Variants in GPR37L1 observed in about 807,000 individuals in gnomAD.
GPR37L1 encodes the protein G protein-coupled receptor 37 like 1.
Under a neutral mutation model 18.0 loss-of-function variants are expected in GPR37L1, and 18 were observed. That is an observed-to-expected ratio of 1.00 (90% CI 0.69 to 1.49). The LOEUF is 1.49. Among genes scored for constraint, GPR37L1 ranks in the 40% most tolerant of loss-of-function variants. The probability of loss-of-function intolerance (pLI) is 0.00; values close to 1 mark genes in which losing one functional copy is unlikely to be tolerated. For synonymous variants in GPR37L1, 256 were observed against 273.9 expected, an observed-to-expected ratio of 0.93 and a Z score of 0.65; for missense variants, 558 against 615.1, an observed-to-expected ratio of 0.91 and a Z score of 0.98.
rs762543451 is a variant in GPR37L1, at chr1:202,127,848, A to G, written c.738A>G (p.Gln246=). The change falls in exon 2 of 2, where the codon CAA becomes CAG. Residue 246 remains glutamine (Q), a synonymous_variant. Coordinates refer to ENST00000367282, the MANE Select transcript of GPR37L1 (RefSeq NM_004767.5). The part of the protein sequence containing the change: ...LPKVRPIERC[Q]SILAKLAVIW... ...AGGTGAGGCCCATCGAGCGGTGCCA[A>G]TCCATCCTGGCCAAGTTGGCTGTCA... 29 of 1,613,874 alleles carry G rather than the reference A, an allele frequency of 1.8e-5. No homozygotes were observed. Among genetic ancestry groups the G allele is most frequent in the Non-Finnish European group, 2.3e-5 (27 of 1,179,976 alleles).
At chr1:202,127,267 ATTCCTTCCTTCTTTCCTTCCTTCCTTCC>A (rs1654688760) in intron 1 of GPR37L1, among the ~76,000 whole-genome samples, 2 of 148,536 alleles carry the variant, frequency 1.3e-5, no homozygotes, top group Admixed American at 6.8e-5. Flanking sequence ...CATTATTATA[ATTCCTTCCTTCTTTCCTTCCTTCCTTCC>A]TTCCTTCCTT....
Position 202,123,035 on chromosome 1 carries a change from G to A in GPR37L1, c.72G>A (p.Gly24=). The change falls in exon 1 of 2, where the codon GGG becomes GGA. Residue 24 remains glycine, a synonymous_variant. Coordinates refer to ENST00000367282, the MANE Select transcript of GPR37L1 (RefSeq NM_004767.5). ...CTGTGGGGCTAAGCAGGGTCTCTGG[G>A]GGTGCCCCCCTGCACCTGGGCAGGC... ...ILAVGLSRVS[G]GAPLHLGRHR... The A allele has an allele frequency of 6.2e-7, 1 of 1,613,574 alleles. No individual in the cohort carries two copies. Among genetic ancestry groups the A allele is most frequent in the Non-Finnish European group, 8.5e-7 (1 of 1,180,002 alleles).
chr1:202,126,704 G>C (rs563972730), intron 1 of GPR37L1, among the ~76,000 whole-genome samples: 96 of 152,228 alleles, frequency 6.3e-4, no homozygotes, highest in Admixed American at 1.9e-3. Context: ...CTTCCTCTTG[G>C]CTCACAGGGT....
chr1:202,125,153 C>CAAAAAA (rs10593843), intron 1 of GPR37L1, among the ~76,000 whole-genome samples: 1 of 77,882 alleles, frequency 1.3e-5, no homozygotes, highest in African/African-American at 4.8e-5. Context: ...AATTCTGTCT[C>CAAAAAA]AAAAAAAAAA....
At chr1:202,124,492 G>A (rs1038499840) in intron 1 of GPR37L1, among the ~76,000 whole-genome samples, 5 of 152,232 alleles carry the variant, frequency 3.3e-5, no homozygotes, top group African/African-American at 1.2e-4. Flanking sequence ...TTAAAACACT[G>A]CAGAAACATA....
chr1:202,128,878 C>G lies in GPR37L1; in HGVS notation c.*322C>G. The G allele has an allele frequency of 3.7e-6, 1 of 267,578 alleles. No homozygotes were observed. The highest frequency in any genetic ancestry group is 7.1e-6 in the Non-Finnish European group (1 of 141,684). The allele number at this position is 267,578 out of a possible 1,614,324, so 16.6% of individuals were successfully genotyped here. ...TGGTTCCAGTCTCTCTTCTCTCTCT[C>G]TGCCTTGGAACCTGACCATACTTTA... On this transcript the variant is annotated 3_prime_UTR_variant, in exon 2 of 2. Transcript: ENST00000367282.
rs141962107 is a variant in GPR37L1 at position 202,128,350 on chromosome 1, G to T, written c.1240G>T (p.Val414Leu). The change falls in exon 2 of 2, where the codon GTG becomes TTG. Residue 414 changes from valine to leucine, a missense_variant. Transcript: ENST00000367282. ...CTTCTTCAAGGGCGCCATCACCCCAGTGCTGCTCCTTTGCATCTGCAGGCC... is the reference window on the plus strand; with the variant it reads ...CTTCTTCAAGGGCGCCATCACCCCATTGCTGCTCCTTTGCATCTGCAGGCC... ...STFFKGAITP[V>L]LLLCICRPLG... 299 of 1,614,108 alleles carry T rather than the reference G, an allele frequency of 1.9e-4. No homozygotes were observed. Among genetic ancestry groups the T allele is most frequent in the Non-Finnish European group, 2.4e-4 (284 of 1,180,046 alleles).
chr1:202,124,390 A>G (rs1470918061), intron 1 of GPR37L1, among the ~76,000 whole-genome samples: 2 of 152,224 alleles, frequency 1.3e-5, no homozygotes, highest in African/African-American at 2.4e-5. Context: ...CCTGTTTCAC[A>G]GTTCTAAAGT....
chr1:202,132,807 C>T lies in GPR37L1; in HGVS notation c.*4251C>T, dbSNP rs913417160. ...TGAGGTCGGGTGGGGGACTAGAATC[C>T]AGCAGAGGAGCGAGGGCAGGGCTCC... On this transcript the variant is annotated 3_prime_UTR_variant, in exon 2 of 2. Coordinates refer to ENST00000367282, the MANE Select transcript of GPR37L1 (RefSeq NM_004767.5). 2 of 152,646 alleles carry T rather than the reference C, an allele frequency of 1.3e-5. No individual in the cohort carries two copies. Among genetic ancestry groups the T allele is most frequent in the African/African-American group, 4.8e-5 (2 of 41,400 alleles). 9.5% of individuals were successfully genotyped at this position (152,646 alleles called of 1,614,324 possible). A position where few individuals can be genotyped will look rare whatever the true frequency, so the allele number is the denominator to read the frequency against.
intron 1 of GPR37L1, among the ~76,000 whole-genome samples, chr1:202,125,077 A>G (rs1187390962): frequency 1.3e-5 from 2 of 149,606 alleles, no homozygotes; most frequent in African/African-American, 2.5e-5. Context: ...AGGCAGGAGA[A>G]TCGCTTGAAC....
intron 1 of GPR37L1, among the ~76,000 whole-genome samples, chr1:202,126,134 G>A (rs2147805043): frequency 6.6e-6 from 1 of 152,316 alleles, no homozygotes; most frequent in East Asian, 1.9e-4. Context: ...GCAGGGCCGG[G>A]CACGGTGGCT....
intron 1 of GPR37L1, among the ~76,000 whole-genome samples, chr1:202,126,838 C>CGCGT (rs1553315419): frequency 6.8e-6 from 1 of 146,352 alleles, no homozygotes; most frequent in Non-Finnish European, 1.5e-5. Context: ...CAGAAACGTG[C>CGCGT]GTGTGTGTGT....
At chr1:202,126,063 G>A (rs1456933441) in intron 1 of GPR37L1, among the ~76,000 whole-genome samples, 1 of 152,138 alleles carries the variant, frequency 6.6e-6, no homozygotes, top group Non-Finnish European at 1.5e-5. Flanking sequence ...TCCTGAGGAG[G>A]GAGCAGGAGA....
chr1:202,126,032 A>G (rs1654650232), intron 1 of GPR37L1, among the ~76,000 whole-genome samples: 1 of 152,064 alleles, frequency 6.6e-6, no homozygotes, highest in Non-Finnish European at 1.5e-5. Context: ...ACACCCTTTT[A>G]TAGGGAGGAT....
In GPR37L1 at chr1:202,128,701, GC is replaced by G. The variant is rs1339838385; in HGVS notation, c.*150del. 3 of 613,538 alleles carry G rather than the reference GC, an allele frequency of 4.9e-6. No homozygotes were observed. Among genetic ancestry groups the G allele is most frequent in the Admixed American group, 3.0e-5 (1 of 33,592 alleles). 38.0% of individuals were successfully genotyped at this position (613,538 alleles called of 1,614,324 possible). On this transcript the variant is annotated 3_prime_UTR_variant, in exon 2 of 2. Coordinates refer to ENST00000367282, the MANE Select transcript of GPR37L1 (RefSeq NM_004767.5). ...CTTGTCAAGGTTTGGGAATGTCAAA[GC>G]CCCCTCCCCACACAGGGCCTTTCCT... is the stretch of plus-strand genomic sequence containing the variant.
chr1:202,127,591 C>T lies in GPR37L1; in HGVS notation c.631-150C>T, dbSNP rs138617142. The T allele has an allele frequency of 4.3e-4, 263 of 612,792 alleles. 2 individuals carry two copies. Among genetic ancestry groups the T allele is most frequent in the African/African-American group, 4.1e-3 (222 of 54,204 alleles). The allele number at this position is 612,792 out of a possible 1,614,324, so 38.0% of individuals were successfully genotyped here. A position where few individuals can be genotyped will look rare whatever the true frequency, so the allele number is the denominator to read the frequency against. ...TCGGCCTCTCAAAGTGCTGGGATTACAGGTGTGAGTCACCGCACCCGGCCC... is the reference window on the plus strand; with the variant it reads ...TCGGCCTCTCAAAGTGCTGGGATTATAGGTGTGAGTCACCGCACCCGGCCC... On this transcript the variant is annotated intron_variant, in intron 1 of 1. Transcript: ENST00000367282.
Position 202,123,455 on chromosome 1 carries a change from CT to C in GPR37L1, c.493del (p.Trp165GlyfsTer75). The C allele has an allele frequency of 1.2e-6, 2 of 1,614,118 alleles. No individual in the cohort carries two copies. Among genetic ancestry groups the C allele is most frequent in the Non-Finnish European group, 1.7e-6 (2 of 1,180,020 alleles). On this transcript the variant is annotated frameshift_variant, in exon 1 of 2. Coordinates refer to ENST00000367282, the MANE Select transcript of GPR37L1 (RefSeq NM_004767.5). LOFTEE classifies it high-confidence loss of function. The part of the protein sequence containing the change: ...VWHSYYLKSA[W>X]NSILASLALW... ...GGCACAGCTACTACCTGAAGAGTGC[CT>C]GGAACTCCATCCTTGCCAGCCTGGC...
chr1:202,133,372 C>T lies in GPR37L1; in HGVS notation c.*4816C>T, dbSNP rs1190402880. On this transcript the variant is annotated 3_prime_UTR_variant, in exon 2 of 2. Transcript: ENST00000367282. ...GGGCCTGTAGGGCAACCCATGCCAA[C>T]TGCGGAAAAGTAACCAGCACCATAC... 1 of 152,180 alleles carries T rather than the reference C, an allele frequency of 6.6e-6. No homozygotes were observed. The highest frequency in any genetic ancestry group is 1.5e-5 in the Non-Finnish European group (1 of 68,048). The allele number at this position is 152,180 out of a possible 1,614,324, so 9.4% of individuals were successfully genotyped here. A position where few individuals can be genotyped will look rare whatever the true frequency, so the allele number is the denominator to read the frequency against.
intron 1 of GPR37L1, among the ~76,000 whole-genome samples, chr1:202,126,653 T>A (rs942998493): frequency 3.9e-5 from 6 of 152,154 alleles, no homozygotes; most frequent in African/African-American, 1.4e-4. Flanking sequence ...CCCCTCTTCC[T>A]TCCTGCTCTT....
Sources: allele counts gnomAD v4.1 joint callset (sites outside exome capture counted in the v4.1 genomes callset), GRCh38; gene constraint gnomAD v4.1.1; transcripts MANE v1.5; gene names NCBI Gene and HGNC (gene_info 2026-07-23, HGNC 2026-07-21).